Variants in AFDN observed in about 807,000 individuals in gnomAD.
The protein encoded by AFDN is afadin.
In AFDN, 68 loss-of-function variants were observed where a neutral mutation model predicts 216.6. That is an observed-to-expected ratio of 0.31 (90% CI 0.26 to 0.38). AFDN has a LOEUF of 0.38. AFDN is among the 10% of genes least tolerant of loss of function. AFDN has a pLI of 1.00. For missense variants in AFDN, 2,136 were observed against 2,342.0 expected (o/e 0.91, Z 1.82); for synonymous variants, 868 against 853.7 (o/e 1.02, Z -0.29).
At position 167,964,848 on chromosome 6, in the gene AFDN, C is replaced by G. The variant is rs944198815; in HGVS notation, c.4969-909C>G. The G allele has an allele frequency of 5.8e-5, 62 of 1,065,722 alleles. No homozygotes were observed. The Middle Eastern group carries it at 2.9e-3, about 50-fold the overall frequency. The allele number at this position is 1,065,722 out of a possible 1,614,324, so 66.0% of individuals were successfully genotyped here. A position where few individuals can be genotyped will look rare whatever the true frequency, so the allele number is the denominator to read the frequency against. ...CAGTTTATTCTGTTTGCTCTTTCAT[C>G]CCCCTTCTTATTTACTTTTTTCTTG... On this transcript the variant is annotated intron_variant, in intron 31 of 33. Coordinates refer to ENST00000683244, the MANE Select transcript of AFDN (RefSeq NM_001386888.1).
intron 6 of AFDN, among the ~76,000 whole-genome samples, chr6:167,886,319 A>G (rs1305090120): frequency 6.6e-6 from 1 of 152,216 alleles, no homozygotes; most frequent in Non-Finnish European, 1.5e-5. Flanking sequence ...GTCTTCTCAG[A>G]AGTGAAATTT....
intron 23 of AFDN, among the ~76,000 whole-genome samples, chr6:167,935,248 A>G (rs1793841514): frequency 6.6e-6 from 1 of 152,154 alleles, no homozygotes; most frequent in Admixed American, 6.5e-5. Context: ...AAATGTTAAG[A>G]TCAAACAGGC....
intron 23 of AFDN, among the ~76,000 whole-genome samples, chr6:167,940,849 G>A (rs1794606089): frequency 1.7e-5 from 1 of 57,616 alleles, no homozygotes; most frequent in Admixed American, 1.6e-4. Context: ...AGGGATGTAG[G>A]GGTGAGGGTG....
chr6:167,955,011 A>G (rs73036605), intron 30 of AFDN, among the ~76,000 whole-genome samples: 3,005 of 152,232 alleles, frequency 0.02, 55 homozygotes, highest in Non-Finnish European at 0.033. Flanking sequence ...AGCCATGCCA[A>G]TTTATCAGTC....
At chr6:167,930,947 G>A (rs1190406530) in intron 23 of AFDN, among the ~76,000 whole-genome samples, 1 of 152,200 alleles carries the variant, frequency 6.6e-6, no homozygotes, top group Non-Finnish European at 1.5e-5. Flanking sequence ...CCAGAGACTA[G>A]TAAGTAAGTT....
At position 167,962,702 on chromosome 6, in the gene AFDN, T is replaced by G; in HGVS notation, c.4968+135T>G. The G allele has an allele frequency of 6.5e-7, 1 of 1,542,172 alleles. No homozygotes were observed. The highest frequency in any genetic ancestry group is 1.9e-5 in the Admixed American group (1 of 53,268). Reference sequence around the variant, plus strand: ...AGAGCAGGGCCTGGCTCCCCCAGCTTTGTGATTGGACCTGCAACTTTACCC... The same window carrying G: ...AGAGCAGGGCCTGGCTCCCCCAGCTGTGTGATTGGACCTGCAACTTTACCC... On this transcript the variant is annotated intron_variant, in intron 31 of 33. Coordinates refer to ENST00000683244, the MANE Select transcript of AFDN (RefSeq NM_001386888.1). The surrounding 1 kb of genome is among the most constrained non-coding windows in gnomAD (Gnocchi z 5.2).
intron 30 of AFDN, among the ~76,000 whole-genome samples, chr6:167,955,422 C>CA (rs959657970): frequency 6.6e-6 from 1 of 151,610 alleles, no homozygotes; most frequent in Non-Finnish European, 1.5e-5. Flanking sequence ...TTACATGAAA[C>CA]AAAGATTTAA....
chr6:167,844,849 C>CTTTTTTT (rs67495555), intron 1 of AFDN, among the ~76,000 whole-genome samples: 330 of 127,646 alleles, frequency 2.6e-3, no homozygotes, highest in East Asian at 5.2e-3. Context: ...CTTTTCTTTT[C>CTTTTTTT]TTTTTTTTTT....
chr6:167,965,722 C>A, intron 31 of AFDN, 35 bp from the exon 32 acceptor site: 1 of 1,495,310 alleles, frequency 6.7e-7, no homozygotes, highest in South Asian at 1.4e-5. Context: ...CTTCTCACCT[C>A]TGACCTTTGC....
At chr6:167,957,088 C>T (rs940061542) in intron 30 of AFDN, among the ~76,000 whole-genome samples, 3 of 152,048 alleles carry the variant, frequency 2.0e-5, no homozygotes, top group Admixed American at 1.3e-4. Flanking sequence ...CATGTTGGGC[C>T]GTCGGGAGGG....
At chr6:167,862,042 G>T (rs1456068824) in intron 1 of AFDN, among the ~76,000 whole-genome samples, 1 of 152,196 alleles carries the variant, frequency 6.6e-6, no homozygotes, top group Non-Finnish European at 1.5e-5. Context: ...GGGTGGTAGT[G>T]TGAAAGTATT....
chr6:167,957,201 G>A (rs1343761385), intron 30 of AFDN, among the ~76,000 whole-genome samples: 1 of 151,984 alleles, frequency 6.6e-6, no homozygotes, highest in Non-Finnish European at 1.5e-5. Flanking sequence ...CATATGGGGG[G>A]GGCCCACCTG....
chr6:167,942,267 A>C (rs1253192812), intron 23 of AFDN, among the ~76,000 whole-genome samples: 1 of 152,224 alleles, frequency 6.6e-6, no homozygotes, highest in Non-Finnish European at 1.5e-5. Flanking sequence ...TCATGTGTTG[A>C]ATCGTATCTT....
At chr6:167,891,575 CAT>C (rs770179336) in intron 8 of AFDN, among the ~76,000 whole-genome samples, 33 of 152,238 alleles carry the variant, frequency 2.2e-4, no homozygotes, top group Admixed American at 8.5e-4. Flanking sequence ...TTTATTTTCA[CAT>C]GAGTCCTCTA....
chr6:167,826,807 T>TGCGGCGGCGCCGCGCGGG (rs1216489198), upstream of AFDN: 34 of 144,222 alleles, frequency 2.4e-4, no homozygotes, highest in East Asian at 1.0e-3. Context: ...GGCCCGGAGG[T>TGCGGCGGCGCCGCGCGGG]GCGGCGGCGC....
intron 17 of AFDN, 49 bp from the exon 18 acceptor site, chr6:167,914,595 A>G (rs761161879): frequency 6.8e-6 from 9 of 1,316,534 alleles, no homozygotes; most frequent in East Asian, 4.6e-5. Flanking sequence ...ATGTCTGACA[A>G]TAGCTGTCTG....
rs1482504148 is a variant in AFDN, at chr6:167,912,683, C to T, written c.2038-720C>T. 2.0e-5 allele frequency among the ~76,000 whole-genome samples: 3 copies of T among 152,258 alleles called. 1 individual carries two copies. Among genetic ancestry groups the T allele is most frequent in the Middle Eastern group, 6.8e-3 (2 of 294 alleles). ...ATGTTTGGACTTACTAAGCCTGTTT[C>T]GAGTTGTGAGACACCTATCATAAAA... is the stretch of plus-strand genomic sequence containing the variant. On this transcript the variant is annotated intron_variant, in intron 15 of 33. Coordinates refer to ENST00000683244, the MANE Select transcript of AFDN (RefSeq NM_001386888.1).
At chr6:167,835,094 T>C (rs925925720) in intron 1 of AFDN, among the ~76,000 whole-genome samples, 1 of 152,256 alleles carries the variant, frequency 6.6e-6, no homozygotes, top group Non-Finnish European at 1.5e-5. Flanking sequence ...CACTGAGTTA[T>C]GCAGATCTAC....
intron 1 of AFDN, among the ~76,000 whole-genome samples, chr6:167,852,533 T>C (rs1782437843): frequency 6.6e-6 from 1 of 152,178 alleles, no homozygotes. Flanking sequence ...TGACAGCCCC[T>C]GTACTGTCAA....
Sources: gnomAD v4.1 joint callset for allele counts (sites outside exome capture counted in the v4.1 genomes callset) on GRCh38, gnomAD v4.1.1 for gene constraint, Gnocchi (gnomAD v3.1) non-coding constraint, MANE v1.5 for transcripts, NCBI Gene and HGNC (gene_info 2026-07-23, HGNC 2026-07-21) for gene names.